Variants in SORCS1 observed in about 807,000 individuals in gnomAD.
SORCS1 encodes VPS10 domain-containing receptor SorCS1.
SORCS1 carries 60 observed loss-of-function variants against 146.1 expected under a neutral mutation model. The observed-to-expected ratio is 0.41, with a 90% CI of 0.33 to 0.51. The LOEUF is 0.51. SORCS1 is among the 20% of genes least tolerant of loss of function. The probability of loss-of-function intolerance (pLI) is 0.21; values close to 1 mark genes in which losing one functional copy is unlikely to be tolerated. For synonymous variants in SORCS1, 637 were observed against 584.0 expected, an observed-to-expected ratio of 1.09 and a Z score of -1.31; for missense variants, 1,352 against 1,487.6, an observed-to-expected ratio of 0.91 and a Z score of 1.50.
intron 1 of SORCS1, among the ~76,000 whole-genome samples, chr10:107,096,041 A>C (rs1274933855): frequency 6.6e-6 from 1 of 152,136 alleles, no homozygotes; most frequent in Non-Finnish European, 1.5e-5. Flanking sequence ...TTTATTCCCC[A>C]TTTCCATCCA....
At chr10:106,638,048 T>C (rs1267017093) in intron 18 of SORCS1, among the ~76,000 whole-genome samples, 4 of 152,198 alleles carry the variant, frequency 2.6e-5, no homozygotes, top group African/African-American at 7.2e-5. Context: ...CTAGATATTA[T>C]GGTACAGAGA....
chr10:106,995,067 C>A (rs1056403174), intron 1 of SORCS1, among the ~76,000 whole-genome samples: 1 of 152,054 alleles, frequency 6.6e-6, no homozygotes, highest in Non-Finnish European at 1.5e-5. Context: ...AATCCCAGCA[C>A]TTTGGGAGGC....
chr10:106,925,917 A>G (rs552255245), intron 2 of SORCS1, among the ~76,000 whole-genome samples: 1 of 152,374 alleles, frequency 6.6e-6, no homozygotes, highest in East Asian at 1.9e-4. Flanking sequence ...CTGTTCCTGG[A>G]CAACTGTGTA....
intron 1 of SORCS1, among the ~76,000 whole-genome samples, chr10:107,127,653 C>T (rs765121579): frequency 6.6e-6 from 1 of 152,204 alleles, no homozygotes; most frequent in Non-Finnish European, 1.5e-5. Context: ...TGCATCACCT[C>T]ACTTGTGCTT....
At chr10:106,743,339 C>T (rs938964445) in intron 5 of SORCS1, among the ~76,000 whole-genome samples, 16 of 152,148 alleles carry the variant, frequency 1.1e-4, no homozygotes, top group Admixed American at 9.2e-4. Context: ...ACCATGCCCT[C>T]CTGCTGCCTG....
chr10:107,153,230 C>T (rs570837532), intron 1 of SORCS1, among the ~76,000 whole-genome samples: 45 of 152,102 alleles, frequency 3.0e-4, no homozygotes, highest in Admixed American at 6.5e-4. Flanking sequence ...TCAGTGCTCA[C>T]AATCAGTAAA....
intron 2 of SORCS1, among the ~76,000 whole-genome samples, chr10:106,900,646 G>A (rs1951664349): frequency 6.6e-6 from 1 of 152,062 alleles, no homozygotes; most frequent in African/African-American, 2.4e-5. Flanking sequence ...CGTAACGTTG[G>A]CTGACATTCC....
At chr10:106,701,734 A>C (rs1050260800) in intron 8 of SORCS1, among the ~76,000 whole-genome samples, 1 of 152,206 alleles carries the variant, frequency 6.6e-6, no homozygotes, top group Admixed American at 6.5e-5. Flanking sequence ...TTGGAGTAAA[A>C]CTAGTTGAGT....
chr10:106,614,881 A>G (rs963678787), intron 21 of SORCS1, among the ~76,000 whole-genome samples: 1 of 152,224 alleles, frequency 6.6e-6, no homozygotes, highest in Non-Finnish European at 1.5e-5. Flanking sequence ...GATAAAGTCT[A>G]TACACTTGCG....
chr10:106,798,893 T>C (rs910824581), intron 3 of SORCS1, among the ~76,000 whole-genome samples: 29 of 152,300 alleles, frequency 1.9e-4, no homozygotes, highest in Middle Eastern at 3.4e-3. Context: ...GAAGTTCATA[T>C]GGAACCATAA....
upstream of SORCS1, among the ~76,000 whole-genome samples, chr10:107,165,382 T>G (rs1180921579): frequency 6.6e-6 from 1 of 151,830 alleles, no homozygotes; most frequent in Admixed American, 6.6e-5. The surrounding 1 kb of genome is among the most constrained non-coding windows in gnomAD (Gnocchi z 4.0). Context: ...CCTAACCTCC[T>G]AAAGCATTCA....
intron 1 of SORCS1, among the ~76,000 whole-genome samples, chr10:106,969,012 G>A (rs191183864): frequency 6.6e-6 from 1 of 152,230 alleles, no homozygotes; most frequent in African/African-American, 2.4e-5. Context: ...GACACAATTT[G>A]CCTAAAAGGA....
At position 106,733,107 on chromosome 10, in the gene SORCS1, C is replaced by CA. The variant is rs1350500252; in HGVS notation, c.960-2994dup. 1.8e-3 allele frequency among the ~76,000 whole-genome samples: 200 copies of CA among 111,198 alleles called. 18 individuals carry two copies. Among genetic ancestry groups the CA allele is most frequent in the Middle Eastern group, 9.3e-3 (2 of 214 alleles). The allele number at this position is 111,198 out of a possible 152,430, so 73.0% of individuals were successfully genotyped here. ...TGGGCGACAAAGTGATACTCCATTT[C>CA]AAAAAAAAGAAAAGAAAAGAAAAGA... On this transcript the variant is annotated intron_variant, in intron 5 of 25. Transcript: ENST00000263054.
At chr10:106,804,869 G>C (rs908370285) in intron 3 of SORCS1, among the ~76,000 whole-genome samples, 1 of 152,116 alleles carries the variant, frequency 6.6e-6, no homozygotes, top group African/African-American at 2.4e-5. Flanking sequence ...CATTACATAG[G>C]ATATAAGCGC....
chr10:106,751,363 T>G (rs1253018547), intron 5 of SORCS1, among the ~76,000 whole-genome samples: 1 of 152,066 alleles, frequency 6.6e-6, no homozygotes, highest in Non-Finnish European at 1.5e-5. Context: ...CTCAGAGAAT[T>G]AGGGAAAGTG....
At chr10:106,843,784 C>T (rs1221391200) in intron 2 of SORCS1, among the ~76,000 whole-genome samples, 2 of 152,172 alleles carry the variant, frequency 1.3e-5, no homozygotes, top group African/African-American at 2.4e-5. Context: ...ATATATAATA[C>T]ATTTTCTTTA....
At chr10:106,771,457 G>T (rs769663965) in intron 4 of SORCS1, among the ~76,000 whole-genome samples, 3 of 152,176 alleles carry the variant, frequency 2.0e-5, no homozygotes, top group Non-Finnish European at 4.4e-5. Flanking sequence ...ATTGAGGCAA[G>T]AAAGTCAGCT....
intron 17 of SORCS1, among the ~76,000 whole-genome samples, chr10:106,661,810 C>T (rs1850750339): frequency 6.6e-6 from 1 of 152,192 alleles, no homozygotes; most frequent in African/African-American, 2.4e-5. Context: ...ACAAAACATC[C>T]CCAATTGTAT....
At chr10:106,658,710 A>G (rs770775095) in intron 17 of SORCS1, among the ~76,000 whole-genome samples, 7 of 152,146 alleles carry the variant, frequency 4.6e-5, no homozygotes, top group South Asian at 2.1e-4. Flanking sequence ...CAAAACAGCT[A>G]TATGTGTTAT....
Sources: allele counts gnomAD v4.1 joint callset (sites outside exome capture counted in the v4.1 genomes callset), GRCh38; gene constraint gnomAD v4.1.1; non-coding constraint Gnocchi (gnomAD v3.1); transcripts MANE v1.5; gene names NCBI Gene and HGNC (gene_info 2026-07-23, HGNC 2026-07-21).